Variants in RNF38 observed in about 807,000 individuals in gnomAD.
RNF38 encodes the protein ring finger protein 38, also known as E3 ubiquitin-protein ligase RNF38.
In RNF38, 15 loss-of-function variants were observed where a neutral mutation model predicts 67.2. The ratio of observed to expected loss-of-function variants is 0.22; its 90% confidence interval spans 0.15 to 0.34. The LOEUF (loss-of-function observed/expected upper bound fraction) is 0.34. Among genes scored for constraint, RNF38 ranks in the 10% least tolerant of loss-of-function variants. The pLI is 1.00. For synonymous variants in RNF38, 220 were observed against 218.8 expected (o/e 1.01, Z -0.05); for missense variants, 524 against 639.9 (o/e 0.82, Z 1.95).
In RNF38 at chr9:36,356,435, T is replaced by C. The variant is rs1027997184; in HGVS notation, c.777A>G (p.Pro259=). 8 of 1,613,352 alleles carry C rather than the reference T, an allele frequency of 5.0e-6. No individual in the cohort carries two copies. Among genetic ancestry groups the C allele is most frequent in the Non-Finnish European group, 6.8e-6 (8 of 1,179,634 alleles). The part of the protein sequence containing the change: ...QACSVQHLPV[P]YAAFPPLISS... ...AAATAAGGGGTGGGAATGCAGCATATGGTACTGGTAAGTGCTGAACTGAAC... is the reference window on the plus strand; with the variant it reads ...AAATAAGGGGTGGGAATGCAGCATACGGTACTGGTAAGTGCTGAACTGAAC... The change falls in exon 6 of 12, where the codon CCA becomes CCG. Residue 259 remains proline (P), a synonymous_variant. Transcript: ENST00000259605.
At chr9:36,435,988 T>C (rs1268300534) in intron 1 of RNF38, among the ~76,000 whole-genome samples, 1 of 152,172 alleles carries the variant, frequency 6.6e-6, no homozygotes, top group African/African-American at 2.4e-5. Flanking sequence ...TCTTTTTGTA[T>C]CCATGAGAAC....
At chr9:36,387,969 T>G (rs996756010) in intron 2 of RNF38, among the ~76,000 whole-genome samples, 1 of 151,964 alleles carries the variant, frequency 6.6e-6, no homozygotes, top group Non-Finnish European at 1.5e-5. Context: ...AATAGAAAAC[T>G]AAAAACAATA....
chr9:36,387,955 A>G (rs1836770298), intron 2 of RNF38, among the ~76,000 whole-genome samples: 1 of 152,218 alleles, frequency 6.6e-6, no homozygotes, highest in African/African-American at 2.4e-5. Context: ...CAGTATAGTC[A>G]TATAATAGAA....
intron 2 of RNF38, among the ~76,000 whole-genome samples, chr9:36,409,245 A>AAGAAG: frequency 6.7e-6 from 1 of 148,410 alleles, no homozygotes; most frequent in African/African-American, 2.5e-5. Context: ...ATGGAAGGAA[A>AAGAAG]GAAGGAAGGA....
At chr9:36,444,855 T>C (rs976646302) in intron 1 of RNF38, among the ~76,000 whole-genome samples, 1 of 151,894 alleles carries the variant, frequency 6.6e-6, no homozygotes, top group African/African-American at 2.4e-5. Flanking sequence ...TAAAATGCCA[T>C]TAGTGCTCTT....
At position 36,464,096 on chromosome 9, in the gene RNF38, G is replaced by A. The variant is rs577897909; in HGVS notation, n.241+23212C>T. Among the ~76,000 whole-genome samples the A allele has an allele frequency of 2.0e-5, 3 of 151,932 alleles. No homozygotes were observed. The South Asian group carries it at 6.2e-4, about 31-fold the overall frequency. Reference sequence around the variant, plus strand: ...GGAGAATGGCGTGAACCCGGGAGGTGGAGATTGCAGTGAGCCTAGATCACG... The same window carrying A: ...GGAGAATGGCGTGAACCCGGGAGGTAGAGATTGCAGTGAGCCTAGATCACG... On this transcript the variant is annotated intron_variant and non_coding_transcript_variant, in intron 1 of 3. Transcript: ENST00000488058.
intron 1 of RNF38, 95 bp downstream of exon 1, chr9:36,400,002 A>ATG: frequency 9.1e-7 from 1 of 1,103,694 alleles, no homozygotes; most frequent in South Asian, 1.4e-5. Flanking sequence ...CAATAATTAC[A>ATG]TGTGTGTGTT....
intron 10 of RNF38, 130 bp downstream of exon 10, chr9:36,344,702 C>T: frequency 2.5e-6 from 2 of 798,386 alleles, no homozygotes; most frequent in Non-Finnish European, 3.9e-6. Context: ...TCAAAGTTAT[C>T]TCTGACTCCT....
At chr9:36,369,985 T>G in intron 3 of RNF38, 53 bp from the exon 4 acceptor site, 3 of 1,436,088 alleles carry the variant, frequency 2.1e-6, no homozygotes, top group Non-Finnish European at 1.9e-6. Flanking sequence ...TCCATCAGGA[T>G]TCTGTATTGT....
At chr9:36,480,944 T>C (rs1043481441) in intron 1 of RNF38, among the ~76,000 whole-genome samples, 8 of 151,870 alleles carry the variant, frequency 5.3e-5, no homozygotes, top group Non-Finnish European at 8.8e-5. Flanking sequence ...TCACAATATC[T>C]CACTCTCTTA....
At chr9:36,393,925 G>A (rs908515307) in intron 1 of RNF38, among the ~76,000 whole-genome samples, 3 of 152,112 alleles carry the variant, frequency 2.0e-5, no homozygotes, top group African/African-American at 7.2e-5. Context: ...GGGGACCTCA[G>A]TCCTATAATC....
intron 2 of RNF38, among the ~76,000 whole-genome samples, chr9:36,409,488 C>A (rs190444974): frequency 6.6e-5 from 10 of 152,156 alleles, no homozygotes; most frequent in African/African-American, 1.9e-4. Context: ...AAGAAACATT[C>A]GAATGCTGCA....
chr9:36,364,199 C>T (rs1834774881), intron 4 of RNF38, among the ~76,000 whole-genome samples: 1 of 152,130 alleles, frequency 6.6e-6, no homozygotes, highest in South Asian at 2.1e-4. Flanking sequence ...ACCAACTCCT[C>T]CTCCTCTTCC....
chr9:36,447,040 T>C (rs902465110), intron 1 of RNF38, among the ~76,000 whole-genome samples: 2 of 150,796 alleles, frequency 1.3e-5, no homozygotes, highest in South Asian at 2.1e-4. Context: ...GGCAGGAGAA[T>C]TGCTTGAACA....
At chr9:36,487,475 G>C in exon 1 of RNF38, 3 of 980,876 alleles carry the variant, frequency 3.1e-6, no homozygotes, top group Non-Finnish European at 2.4e-6. Flanking sequence ...CGGCCTGGGA[G>C]ACGACGACTG....
At chr9:36,372,726 T>C (rs967175736) in intron 3 of RNF38, 1 of 460,940 alleles carries the variant, frequency 2.2e-6, no homozygotes, top group Non-Finnish European at 3.8e-6. Flanking sequence ...AGGACCATGA[T>C]GCTTTTCAAA....
rs1834241008 is a variant in RNF38 at position 36,357,802 on chromosome 9, G to A, written c.711C>T (p.His237=). 1.2e-6 allele frequency: 2 copies of A among 1,613,658 alleles called. No individual in the cohort carries two copies. Among genetic ancestry groups the A allele is most frequent in the Non-Finnish European group, 1.7e-6 (2 of 1,179,868 alleles). ...PGCSVVFSGQ[H]LPVCSVPPPM... is the part of the protein sequence containing the mutation. ...GAGGAGGCACACTACAGACAGGGAG[G>A]TGCTGTCCACTGAAAACCACAGAGC... is the stretch of plus-strand genomic sequence containing the variant. Residue 237 remains histidine (H), a synonymous_variant, in exon 5 of 12, where the codon CAC becomes CAT. Transcript: ENST00000259605.
intron 2 of RNF38, among the ~76,000 whole-genome samples, chr9:36,407,802 A>G (rs945043299): frequency 6.6e-5 from 10 of 152,206 alleles, no homozygotes; most frequent in Non-Finnish European, 1.0e-4. Flanking sequence ...ATGGAGACCC[A>G]GAGCACAAAA....
intron 1 of RNF38, among the ~76,000 whole-genome samples, chr9:36,460,368 A>G (rs1313352173): frequency 6.6e-6 from 1 of 152,212 alleles, no homozygotes; most frequent in Non-Finnish European, 1.5e-5. Context: ...GCTTTTATCT[A>G]TAGTGGTTTA....
Sources: gnomAD v4.1 joint callset for allele counts (sites outside exome capture counted in the v4.1 genomes callset) on GRCh38, gnomAD v4.1.1 for gene constraint, MANE v1.5 for transcripts, NCBI Gene and HGNC (gene_info 2026-07-23, HGNC 2026-07-21) for gene names.